Variants in CDH13 observed in about 807,000 individuals in gnomAD.
The protein encoded by CDH13 is cadherin-13.
A neutral mutation model predicts 63.8 loss-of-function variants in CDH13; 24 were observed. That is an observed-to-expected ratio of 0.38 (90% confidence interval 0.27 to 0.53). CDH13 has a LOEUF of 0.53. Among genes scored for constraint, CDH13 ranks in the 20% least tolerant of loss-of-function variants. The pLI is 0.85. For synonymous variants in CDH13, 503 were observed against 355.3 expected (o/e 1.42, Z -4.67); for missense variants, 1,049 against 903.1 (o/e 1.16, Z -2.07).
At chr16:83,174,571 A>G (rs554729228) in intron 4 of CDH13, among the ~76,000 whole-genome samples, 4 of 152,008 alleles carry the variant, frequency 2.6e-5, no homozygotes, top group Non-Finnish European at 5.9e-5. Context: ...CCAAACCTGC[A>G]CTGTCCAGTT....
intron 8 of CDH13, among the ~76,000 whole-genome samples, chr16:83,659,090 GTCCTCACCACCAGGTCCCATA>G (rs1913190299): frequency 7.9e-6 from 1 of 126,426 alleles, no homozygotes; most frequent in Non-Finnish European, 1.6e-5. Flanking sequence ...AAGGTCCCAT[GTCCTCACCACCAGGTCCCATA>G]TCCTCACCAC....
chr16:82,714,628 G>T (rs7188422), intron 1 of CDH13, among the ~76,000 whole-genome samples: 23,221 of 144,324 alleles, frequency 0.16, 2,874 homozygotes, highest in African/African-American at 0.35. Context: ...GCAGGAGAAT[G>T]GCTTAAACTG....
At chr16:83,705,807 G>A (rs1328311334) in intron 10 of CDH13, among the ~76,000 whole-genome samples, 1 of 152,186 alleles carries the variant, frequency 6.6e-6, no homozygotes, top group Admixed American at 6.5e-5. Context: ...AGGAGGGAAT[G>A]TTGGGTCAAG....
chr16:82,823,155 C>T (rs1210939430), intron 1 of CDH13: 5 of 152,172 alleles, frequency 3.3e-5, no homozygotes, highest in Non-Finnish European at 7.3e-5. Flanking sequence ...CCTTTTATGA[C>T]TTAGTGTCAG....
chr16:83,376,654 T>C (rs1310557401), intron 6 of CDH13, among the ~76,000 whole-genome samples: 1 of 152,018 alleles, frequency 6.6e-6, no homozygotes, highest in Non-Finnish European at 1.5e-5. Flanking sequence ...GTGGTAGAGA[T>C]GGTGAGCATG....
chr16:82,809,979 A>T (rs2037360580), intron 1 of CDH13, among the ~76,000 whole-genome samples: 1 of 152,176 alleles, frequency 6.6e-6, no homozygotes, highest in South Asian at 2.1e-4. Flanking sequence ...CATTCTCTGT[A>T]TGCCCATCTA....
intron 1 of CDH13, among the ~76,000 whole-genome samples, chr16:82,697,223 A>G (rs1465293960): frequency 6.6e-6 from 1 of 152,124 alleles, no homozygotes; most frequent in African/African-American, 2.4e-5. Context: ...CCACCACACT[A>G]TGTCATCAAA....
chr16:83,130,930 A>G (rs916088814), intron 4 of CDH13, among the ~76,000 whole-genome samples: 2 of 152,164 alleles, frequency 1.3e-5, no homozygotes, highest in African/African-American at 4.8e-5. Flanking sequence ...GTTTTTCACA[A>G]CTGGATATCC....
intron 6 of CDH13, among the ~76,000 whole-genome samples, chr16:83,404,521 A>T (rs2092013063): frequency 6.6e-6 from 1 of 152,212 alleles, no homozygotes; most frequent in African/African-American, 2.4e-5. Flanking sequence ...GAACTTGATT[A>T]ATGTTGTTCT....
At chr16:82,743,660 C>T (rs1047485143) in intron 1 of CDH13, among the ~76,000 whole-genome samples, 11 of 152,328 alleles carry the variant, frequency 7.2e-5, no homozygotes, top group Admixed American at 6.5e-4. Flanking sequence ...CAACACTCAG[C>T]ATTCTTTTCC....
chr16:82,851,929 T>C (rs1161275941), intron 1 of CDH13, among the ~76,000 whole-genome samples: 1 of 152,062 alleles, frequency 6.6e-6, no homozygotes, highest in Admixed American at 6.5e-5. Flanking sequence ...TTAACAAGAG[T>C]AAACCAGAGA....
chr16:83,023,843 G>C (rs1436692352), intron 2 of CDH13, among the ~76,000 whole-genome samples: 1 of 152,182 alleles, frequency 6.6e-6, no homozygotes, highest in Non-Finnish European at 1.5e-5. Context: ...TGAGAATGTA[G>C]AGTCTGTTTT....
intron 5 of CDH13, among the ~76,000 whole-genome samples, chr16:83,308,657 C>T (rs1345130881): frequency 6.6e-6 from 1 of 152,194 alleles, no homozygotes; most frequent in African/African-American, 2.4e-5. Flanking sequence ...TTCCTAAGCC[C>T]ACATTTCAGC....
chr16:83,201,733 T>C (rs988224331), intron 4 of CDH13, among the ~76,000 whole-genome samples: 1 of 138,872 alleles, frequency 7.2e-6, no homozygotes, highest in South Asian at 2.2e-4. Flanking sequence ...CCGTCTCTAA[T>C]AAAAAAAAAT....
intron 8 of CDH13, among the ~76,000 whole-genome samples, chr16:83,661,185 T>A (rs1176011288): frequency 6.6e-6 from 1 of 152,208 alleles, no homozygotes; most frequent in Non-Finnish European, 1.5e-5. Context: ...GTAGGACTCC[T>A]GTACCATCTC....
chr16:82,845,026 G>T (rs2039200320), intron 1 of CDH13, among the ~76,000 whole-genome samples: 6 of 152,058 alleles, frequency 3.9e-5, no homozygotes. Context: ...ATACACGCGG[G>T]CATGTTTTCC....
intron 4 of CDH13, among the ~76,000 whole-genome samples, chr16:83,139,954 A>T (rs534492965): frequency 6.6e-6 from 1 of 152,318 alleles, no homozygotes; most frequent in African/African-American, 2.4e-5. Context: ...GTGAGCCAAG[A>T]TCATACCATT....
intron 1 of CDH13, chr16:82,723,218 C>T (rs2032888291): frequency 6.6e-6 from 1 of 152,250 alleles, no homozygotes; most frequent in Non-Finnish European, 1.5e-5. Flanking sequence ...TAATGTATCT[C>T]CTTAAATCCG....
chr16:82,882,804 G>T (rs968247028), intron 2 of CDH13, among the ~76,000 whole-genome samples: 7 of 152,040 alleles, frequency 4.6e-5, no homozygotes, highest in African/African-American at 1.7e-4. Context: ...AAGCCATTTG[G>T]TTTTTTATTC....
Sources: gnomAD v4.1 joint callset for allele counts (sites outside exome capture counted in the v4.1 genomes callset) on GRCh38, gnomAD v4.1.1 for gene constraint, MANE v1.5 for transcripts, NCBI Gene and HGNC (gene_info 2026-07-23, HGNC 2026-07-21) for gene names.